The following SHLD2 variants were observed in gnomAD, a reference collection of about 807,000 sequenced individuals.
SHLD2 encodes the protein RINN1-REV7-interacting novel NHEJ regulator 2.
In SHLD2, 30 loss-of-function variants were observed where a neutral mutation model predicts 73.2. The ratio of observed to expected loss-of-function variants is 0.41; its 90% CI spans 0.31 to 0.56. The LOEUF is 0.56. Among genes scored for constraint, SHLD2 ranks in the 20% least tolerant of loss-of-function variants. The probability of loss-of-function intolerance (pLI) is 0.28; values close to 1 mark genes in which losing one functional copy is unlikely to be tolerated. For synonymous variants in SHLD2, 285 were observed against 370.1 expected (o/e 0.77, Z 2.64); for missense variants, 745 against 1,055.9 (o/e 0.71, Z 4.08).
chr10:87,176,079 A>G lies in SHLD2; in HGVS notation c.2154A>G (p.Leu718=). 6.5e-7 allele frequency: 1 copy of G among 1,548,364 alleles called. No homozygotes were observed. The highest frequency in any genetic ancestry group is 2.0e-5 in the Admixed American group (1 of 50,994). Residue 718 remains leucine (L), a synonymous_variant, in exon 7 of 10, where the codon CTA becomes CTG. Coordinates refer to ENST00000298786, the MANE Select transcript of SHLD2 (RefSeq NM_001330112.2). The stretch of plus-strand genomic sequence containing the variant: ...AGATATCAGACTTAGCAACCCACCT[A>G]GAGGATAAGTGTTCAGGTAAGATCT... The part of the protein sequence containing the change: ...FVKISDLATH[L]EDKCSGVVLI...
intron 8 of SHLD2, among the ~76,000 whole-genome samples, chr10:87,181,438 T>C (rs937277252): frequency 1.1e-4 from 16 of 152,138 alleles, no homozygotes; most frequent in Non-Finnish European, 2.2e-4. Flanking sequence ...GATTTATTAA[T>C]AGTTAAGGCC....
At chr10:87,155,049 C>T (rs906851082) in intron 3 of SHLD2, among the ~76,000 whole-genome samples, 6 of 152,176 alleles carry the variant, frequency 3.9e-5, no homozygotes, top group Admixed American at 3.9e-4. Flanking sequence ...ATTTTCCTGC[C>T]TCAGCCTCCT....
intron 2 of SHLD2, among the ~76,000 whole-genome samples, chr10:87,117,390 G>A (rs1380403286): frequency 6.6e-6 from 1 of 152,210 alleles, no homozygotes; most frequent in African/African-American, 2.4e-5. Flanking sequence ...TTGCACTCCA[G>A]CCTGGGCAAC....
At chr10:87,112,777 G>T (rs1843011691) in intron 2 of SHLD2, among the ~76,000 whole-genome samples, 1 of 150,900 alleles carries the variant, frequency 6.6e-6, no homozygotes, top group African/African-American at 2.4e-5. Context: ...TGGAGAAATG[G>T]GAACCCTTAT....
chr10:87,118,953 A>G (rs1164729025), intron 2 of SHLD2, among the ~76,000 whole-genome samples: 1 of 152,112 alleles, frequency 6.6e-6, no homozygotes, highest in Non-Finnish European at 1.5e-5. Context: ...GATGAGGATA[A>G]TATCTTGCAG....
At chr10:87,183,151 G>T (rs1848414776) in intron 8 of SHLD2, among the ~76,000 whole-genome samples, 1 of 152,212 alleles carries the variant, frequency 6.6e-6, no homozygotes, top group South Asian at 2.1e-4. Flanking sequence ...ACAGATTTGA[G>T]AATGGTCGGA....
intron 3 of SHLD2, among the ~76,000 whole-genome samples, chr10:87,157,393 T>G (rs917211816): frequency 2.0e-5 from 3 of 152,214 alleles, no homozygotes; most frequent in African/African-American, 7.2e-5. Flanking sequence ...GATAGCTCCC[T>G]TCCCCTCTTT....
intron 2 of SHLD2, among the ~76,000 whole-genome samples, chr10:87,100,091 C>T (rs1842167771): frequency 6.6e-6 from 1 of 152,056 alleles, no homozygotes; most frequent in African/African-American, 2.4e-5. Flanking sequence ...CTTTGAAGCA[C>T]AAAAGTTTTT....
rs1844108518 is a variant in SHLD2 at position 87,127,535 on chromosome 10, C to CT, written c.-5-23815_-5-23814insT. On this transcript the variant is annotated intron_variant, in intron 2 of 9. Transcript: ENST00000298786. The stretch of plus-strand genomic sequence containing the variant: ...TTTTTTGTCCCTCTTACCCGCCCCC[C>CT]CCCACCCCGTCTGCCACCCCCCGCC... Among the ~76,000 whole-genome samples, 5 of 71,434 alleles carry CT rather than the reference C, an allele frequency of 7.0e-5. 1 individual carries two copies. In the Admixed American group the frequency reaches 7.5e-4, roughly 11 times the overall value. 46.9% of individuals were successfully genotyped at this position (71,434 alleles called of 152,430 possible).
At chr10:87,094,651 G>A (rs1398248649), upstream of SHLD2, 1 of 1,597,842 alleles carries the variant, frequency 6.3e-7, no homozygotes, top group Non-Finnish European at 8.5e-7. This position sits in a 1 kb window ranked among gnomAD's most constrained non-coding sequence, Gnocchi z 6.6. Context: ...CGGCTGCGGG[G>A]CGGCGGCGGG....
chr10:87,098,936 C>T (rs947609901), intron 2 of SHLD2, among the ~76,000 whole-genome samples: 2 of 152,200 alleles, frequency 1.3e-5, no homozygotes, highest in East Asian at 3.9e-4. Context: ...CCGCCACTCC[C>T]GGCTAACTTT....
intron 2 of SHLD2, among the ~76,000 whole-genome samples, chr10:87,111,094 G>C (rs1842890331): frequency 6.6e-6 from 1 of 152,018 alleles, no homozygotes; most frequent in South Asian, 2.1e-4. Flanking sequence ...TGCCCACTGT[G>C]GCCTCCCAAC....
Position 87,105,816 on chromosome 10 carries a change from C to T in SHLD2, c.-6+8827C>T, listed in dbSNP as rs568363091. 4.6e-5 allele frequency among the ~76,000 whole-genome samples: 7 copies of T among 152,292 alleles called. No homozygotes were observed. The East Asian group carries it at 1.4e-3, about 29-fold the overall frequency. ...GCATATCCCGGTATTAGTGAAGAAA[C>T]CTTTTCCAAAGGCCTGCCAGCTACC... On this transcript the variant is annotated intron_variant, in intron 2 of 9. Transcript: ENST00000298786.
chr10:87,166,194 T>A (rs1380122998), intron 4 of SHLD2, among the ~76,000 whole-genome samples: 1 of 152,034 alleles, frequency 6.6e-6, no homozygotes, highest in Non-Finnish European at 1.5e-5. Flanking sequence ...AAAATAGATA[T>A]GTAAAGATTG....
intron 3 of SHLD2, chr10:87,154,506 G>A (rs527370841): frequency 2.6e-5 from 4 of 151,594 alleles, no homozygotes; most frequent in Admixed American, 6.6e-5. Flanking sequence ...TCAGCCTCTC[G>A]AGTAGCTGAG....
intron 2 of SHLD2, among the ~76,000 whole-genome samples, chr10:87,099,055 T>C (rs1480857832): frequency 6.6e-6 from 1 of 152,224 alleles, no homozygotes; most frequent in Non-Finnish European, 1.5e-5. Context: ...GGATTCCAAG[T>C]GTGAGCCACC....
chr10:87,141,031 G>C (rs1428446588), intron 2 of SHLD2, among the ~76,000 whole-genome samples: 1 of 151,596 alleles, frequency 6.6e-6, no homozygotes, highest in Non-Finnish European at 1.5e-5. Flanking sequence ...TGTAATCCCA[G>C]CATTTTGGGA....
chr10:87,180,129 C>T lies in SHLD2; in HGVS notation c.2225C>T (p.Ser742Phe). 1 of 1,613,886 alleles carries T rather than the reference C, an allele frequency of 6.2e-7. No individual in the cohort carries two copies. Among genetic ancestry groups the T allele is most frequent in the Admixed American group, 1.7e-5 (1 of 60,012 alleles). The change falls in exon 8 of 10, where the codon TCT (serine) becomes TTT (phenylalanine). Residue 742 changes from serine (S) to phenylalanine (F), a missense_variant. Around this residue, in one of 5 missense-constraint regions of SHLD2, gnomAD observed 418 missense variants for 567.8 expected, o/e 0.74. Transcript: ENST00000298786. ...GAGCTGGCATTTCCTATTACAGCAT[C>T]TCAGAAGATAGCGCTAAATGCTCAC... The part of the protein sequence containing the change: ...ISELAFPITA[S>F]QKIALNAHSS...
At chr10:87,119,380 A>G (rs1291909040) in intron 2 of SHLD2, among the ~76,000 whole-genome samples, 1 of 152,164 alleles carries the variant, frequency 6.6e-6, no homozygotes, top group Non-Finnish European at 1.5e-5. Flanking sequence ...CAGAAGCTTC[A>G]TAGAATGCTT....
Sources: allele counts gnomAD v4.1 joint callset (sites outside exome capture counted in the v4.1 genomes callset), GRCh38; gene constraint gnomAD v4.1.1; regional missense constraint gnomAD v4.1.1; non-coding constraint Gnocchi (gnomAD v3.1); transcripts MANE v1.5; gene names NCBI Gene and HGNC (gene_info 2026-07-23, HGNC 2026-07-21).